The following STAP2 variants were observed in gnomAD, a reference collection of about 807,000 sequenced individuals.
STAP2 encodes signal-transducing adaptor protein 2.
In STAP2, 58 loss-of-function variants were observed where a neutral mutation model predicts 52.7. The observed-to-expected ratio is 1.10, with a 90% CI of 0.89 to 1.37. The LOEUF (loss-of-function observed/expected upper bound fraction) is 1.37. Among genes scored for constraint, STAP2 ranks in the 40% most tolerant of loss-of-function variants. The pLI, the probability that STAP2 is intolerant of heterozygous loss-of-function variation, is 0.00. For synonymous variants in STAP2, 231 were observed against 210.5 expected (o/e 1.10, Z -0.84); for missense variants, 522 against 519.4 (o/e 1.00, Z -0.05).
intron 4 of STAP2, among the ~76,000 whole-genome samples, chr19:4,331,536 A>T (rs1971890072): frequency 6.6e-6 from 1 of 151,814 alleles, no homozygotes; most frequent in African/African-American, 2.4e-5. Flanking sequence ...AGGCTGAGTC[A>T]CAAGAATTGC....
At chr19:4,330,383 G>C (rs1209262847) in intron 4 of STAP2, among the ~76,000 whole-genome samples, 1 of 151,824 alleles carries the variant, frequency 6.6e-6, no homozygotes, top group African/African-American at 2.4e-5. Context: ...TTAGCCGGGC[G>C]TGGTGGCAGA....
chr19:4,329,831 C>A, intron 5 of STAP2, 130 bp downstream of exon 5: 1 of 257,260 alleles, frequency 3.9e-6, no homozygotes, highest in South Asian at 6.4e-5. Context: ...CCCCCACCCC[C>A]AGCCCCAAGG....
Position 4,333,983 on chromosome 19 carries a change from C to G in STAP2, c.164G>C (p.Arg55Pro). ...CATTCCCATCCTTACCTGGAAGTCC[C>G]GATTGCTATTGTAGAAATAAATGGT... ...GLTIYFYNSN[R>P]DFQHVEKLNL... Residue 55 changes from arginine to proline, a missense_variant, in exon 2 of 13, where the codon CGG becomes CCG. Transcript: ENST00000594605. 6.2e-7 allele frequency: 1 copy of G among 1,613,346 alleles called. No homozygotes were observed. Among genetic ancestry groups the G allele is most frequent in the Admixed American group, 1.7e-5 (1 of 59,830 alleles).
intron 1 of STAP2, among the ~76,000 whole-genome samples, chr19:4,336,589 A>G (rs1971984199): frequency 6.6e-6 from 1 of 150,974 alleles, no homozygotes; most frequent in Non-Finnish European, 1.5e-5. Flanking sequence ...GTTGGGTTAC[A>G]GGCGTGAGCC....
chr19:4,327,060 T>C lies in STAP2; in HGVS notation c.764-53A>G, dbSNP rs1971804859. 3.1e-6 allele frequency: 5 copies of C among 1,604,870 alleles called. No individual in the cohort carries two copies. In the Admixed American group the frequency reaches 5.1e-5, roughly 16 times the overall value. On this transcript the variant is annotated intron_variant, in intron 8 of 12. Transcript: ENST00000594605. ...AGCGCGGCGGCCAGGGGCGGCCCGG[T>C]CCGTCCGAGCGGGGGCGGGAGAGGT...
At chr19:4,328,892 C>T in intron 5 of STAP2, 83 bp from the exon 6 acceptor site, 1 of 1,523,130 alleles carries the variant, frequency 6.6e-7, no homozygotes, top group Non-Finnish European at 8.8e-7. Context: ...CTCTGAGACC[C>T]AGCCCCATCC....
In STAP2 at chr19:4,332,069, A is replaced by G; in HGVS notation, c.307T>C (p.Leu103=). 1 of 1,612,716 alleles carries G rather than the reference A, an allele frequency of 6.2e-7. No homozygotes were observed. Among genetic ancestry groups the G allele is most frequent in the African/African-American group, 1.3e-5 (1 of 74,886 alleles). Residue 103 remains leucine, a synonymous_variant, in exon 4 of 13, where the codon TTG becomes CTG. Transcript: ENST00000594605. The part of the protein sequence containing the change: ...DQEIKFKVET[L]ECREMWKGFI... Reference sequence around the variant, plus strand: ...CCTTTCCACATTTCCCGACACTCCAAGGTCTCTACCTGGGGAACAAAAGAA... The same window carrying G: ...CCTTTCCACATTTCCCGACACTCCAGGGTCTCTACCTGGGGAACAAAAGAA...
In STAP2 at chr19:4,336,314, C is replaced by CTTTT. The variant is rs978535649; in HGVS notation, c.103-2274_103-2271dup. On this transcript the variant is annotated intron_variant, in intron 1 of 12. Transcript: ENST00000594605. ...ACAGGCGTGAGCCACTGCACACTGCCTTTTTTTTTTTTTTTTTTTTTTGAG... is the reference window on the plus strand; with the variant it reads ...ACAGGCGTGAGCCACTGCACACTGCCTTTTTTTTTTTTTTTTTTTTTTTTTTGAG... Among the ~76,000 whole-genome samples the CTTTT allele has an allele frequency of 2.3e-3, 189 of 83,434 alleles. 2 individuals are homozygous for CTTTT. The highest frequency in any genetic ancestry group is 5.0e-3 in the African/African-American group (97 of 19,220). 54.7% of individuals were successfully genotyped at this position (83,434 alleles called of 152,430 possible).
intron 6 of STAP2, 127 bp downstream of exon 6, chr19:4,328,548 G>T: frequency 7.5e-7 from 1 of 1,333,240 alleles, no homozygotes; most frequent in Non-Finnish European, 1.0e-6. Context: ...GCCCGTCTCG[G>T]CTCTGGCTCC....
chr19:4,327,981 C>G (rs1341024715), intron 6 of STAP2, among the ~76,000 whole-genome samples: 1 of 152,102 alleles, frequency 6.6e-6, no homozygotes, highest in Non-Finnish European at 1.5e-5. Flanking sequence ...CCCAAAGAGC[C>G]CATTCCCATC....
At chr19:4,334,862 A>G (rs373414247) in intron 1 of STAP2, among the ~76,000 whole-genome samples, 2 of 5,948 alleles carry the variant, frequency 3.4e-4, no homozygotes, top group East Asian at 6.5e-3. Context: ...CTCATCTATC[A>G]ATGCATCCCT....
At chr19:4,336,483 A>G (rs968885924) in intron 1 of STAP2, among the ~76,000 whole-genome samples, 3 of 147,006 alleles carry the variant, frequency 2.0e-5, no homozygotes, top group African/African-American at 7.6e-5. Flanking sequence ...ACGCCCAGCT[A>G]TTTTTATTTT....
chr19:4,328,464 T>G (rs28391591), intron 6 of STAP2, among the ~76,000 whole-genome samples: 6 of 58,958 alleles, frequency 1.0e-4, no homozygotes, highest in Non-Finnish European at 1.9e-4. Flanking sequence ...CTCTGACTCC[T>G]CCCCCAATCC....
rs1347295203 is a variant in STAP2, at chr19:4,325,460, G to A, written c.915C>T (p.Asn305=). The change falls in exon 10 of 13, where the codon AAC becomes AAT. Residue 305 remains asparagine, a synonymous_variant. Transcript: ENST00000594605. ...DKLPPLPPLP[N]QEENYVTPIG... ...TGGGGGTCACGTAGTTCTCTTCCTGGTTCGGTAGTGGGGGCAGTGGGGGCA... is the reference window on the plus strand; with the variant it reads ...TGGGGGTCACGTAGTTCTCTTCCTGATTCGGTAGTGGGGGCAGTGGGGGCA... 6.2e-7 allele frequency: 1 copy of A among 1,613,912 alleles called. No homozygotes were observed. Among genetic ancestry groups the A allele is most frequent in the African/African-American group, 1.3e-5 (1 of 74,942 alleles).
At chr19:4,331,658 C>A (rs1176402551) in intron 4 of STAP2, among the ~76,000 whole-genome samples, 1 of 150,708 alleles carries the variant, frequency 6.6e-6, no homozygotes, top group Non-Finnish European at 1.5e-5. Context: ...TTTGGCCGGG[C>A]CCGGTGGCTC....
chr19:4,334,534 C>G (rs1435344544), intron 1 of STAP2, among the ~76,000 whole-genome samples: 3 of 150,470 alleles, frequency 2.0e-5, no homozygotes, highest in Non-Finnish European at 4.4e-5. Context: ...ATCCGTCCAC[C>G]CACCCACCCA....
At chr19:4,325,352 G>A in intron 10 of STAP2, 44 bp from the exon 11 acceptor site, 1 of 1,614,172 alleles carries the variant, frequency 6.2e-7, no homozygotes, top group Non-Finnish European at 8.5e-7. Context: ...CTGTTAACCT[G>A]TTTCCCCAAC....
Position 4,329,940 on chromosome 19 carries a change from C to A in STAP2, c.455+21G>T, listed in dbSNP as rs776409929. 6.9e-6 allele frequency: 11 copies of A among 1,603,518 alleles called. No homozygotes were observed. In the Admixed American group the frequency reaches 1.5e-4, roughly 22 times the overall value. ...CTCCCGTCCCCATCCTGCAGCCCCTCGGGACAGGCGGGACACTCACGAGGG... is the reference window on the plus strand; with the variant it reads ...CTCCCGTCCCCATCCTGCAGCCCCTAGGGACAGGCGGGACACTCACGAGGG... On this transcript the variant is annotated intron_variant, in intron 5 of 12. Transcript: ENST00000594605.
chr19:4,331,162 C>G (rs56299913), intron 4 of STAP2, among the ~76,000 whole-genome samples: 1 of 151,908 alleles, frequency 6.6e-6, no homozygotes, highest in Non-Finnish European at 1.5e-5. Flanking sequence ...AGACCCTGCT[C>G]TACAAAAAAA....
Sources: allele counts gnomAD v4.1 joint callset (sites outside exome capture counted in the v4.1 genomes callset), GRCh38; gene constraint gnomAD v4.1.1; transcripts MANE v1.5; gene names NCBI Gene and HGNC (gene_info 2026-07-23, HGNC 2026-07-21).